Variants in CSMD1 observed in about 807,000 individuals in gnomAD.
CSMD1 encodes CUB and sushi domain-containing protein 1.
Under a neutral mutation model 417.5 loss-of-function variants are expected in CSMD1, and 213 were observed. The observed-to-expected ratio is 0.51, with a 90% confidence interval of 0.46 to 0.57. CSMD1 has a LOEUF of 0.57. Among genes scored for constraint, CSMD1 ranks in the 20% least tolerant of loss-of-function variants. The probability of loss-of-function intolerance (pLI) is 0.00; values close to 1 mark genes in which losing one functional copy is unlikely to be tolerated. For missense variants in CSMD1, 6,923 were observed against 4,529.7 expected, an observed-to-expected ratio of 1.53 and a Z score of -15.17; for synonymous variants, 2,862 against 1,736.8, an observed-to-expected ratio of 1.65 and a Z score of -16.11.
chr8:4,844,982 T>C (rs1046188619), intron 1 of CSMD1, among the ~76,000 whole-genome samples: 25 of 152,310 alleles, frequency 1.6e-4, no homozygotes, highest in Non-Finnish European at 2.8e-4. Context: ...ATCAGACCTA[T>C]AGCATTTTAA....
intron 39 of CSMD1, among the ~76,000 whole-genome samples, chr8:3,156,265 A>G (rs1394998588): frequency 2.0e-5 from 3 of 152,204 alleles, no homozygotes; most frequent in African/African-American, 7.2e-5. Flanking sequence ...CACCCCCAGC[A>G]ATACTTGAGT....
chr8:4,885,095 C>G (rs1003058541), intron 1 of CSMD1, among the ~76,000 whole-genome samples: 1 of 151,998 alleles, frequency 6.6e-6, no homozygotes, highest in East Asian at 1.9e-4. Flanking sequence ...TTAGAAGCTA[C>G]TGTAAATGGA....
intron 3 of CSMD1, among the ~76,000 whole-genome samples, chr8:4,140,943 CA>C (rs1183213291): frequency 1.3e-5 from 2 of 151,146 alleles, no homozygotes; most frequent in South Asian, 2.1e-4. Context: ...ACACCAACAA[CA>C]AAAAGTCCTC....
chr8:3,720,619 T>TCACACACA (rs1802098724), intron 6 of CSMD1, among the ~76,000 whole-genome samples: 1 of 27,052 alleles, frequency 3.7e-5, no homozygotes, highest in Admixed American at 3.9e-4. Context: ...GTCTTTATTC[T>TCACACACA]TACACACACA....
chr8:4,572,055 C>G (rs1172940758), intron 2 of CSMD1, among the ~76,000 whole-genome samples: 2 of 152,198 alleles, frequency 1.3e-5, no homozygotes, highest in African/African-American at 4.8e-5. Flanking sequence ...ACCGATGGGT[C>G]TTGACTCTTT....
At chr8:3,820,622 T>C (rs1801679239) in intron 5 of CSMD1, among the ~76,000 whole-genome samples, 2 of 152,176 alleles carry the variant, frequency 1.3e-5, no homozygotes. Context: ...CTTGTCCAAG[T>C]TGGAGCGTAG....
chr8:4,908,190 C>T (rs192079122), intron 1 of CSMD1, among the ~76,000 whole-genome samples: 5 of 152,232 alleles, frequency 3.3e-5, no homozygotes, highest in African/African-American at 1.2e-4. Context: ...GCTCCATTCT[C>T]TTCTTGTTTG....
chr8:4,287,770 T>G (rs926256982), intron 3 of CSMD1, among the ~76,000 whole-genome samples: 1 of 151,874 alleles, frequency 6.6e-6, no homozygotes, highest in Non-Finnish European at 1.5e-5. Context: ...ACCCGGTCGG[T>G]TGAGCGAGTT....
chr8:4,741,199 G>A lies in CSMD1; in HGVS notation c.86-103641C>T, dbSNP rs564388970. 2.8e-3 allele frequency among the ~76,000 whole-genome samples: 421 copies of A among 152,238 alleles called. 2 individuals carry two copies. The highest frequency in any genetic ancestry group is 0.01 in the Middle Eastern group (3 of 294). On this transcript the variant is annotated intron_variant, in intron 1 of 69. Coordinates refer to ENST00000635120, the MANE Select transcript of CSMD1 (RefSeq NM_033225.6). ...TGTAAGTGTCAGAGGCATTTCAACAGAAGACCCTAGTGCCACACGTGCAGT... is the reference window on the plus strand; with the variant it reads ...TGTAAGTGTCAGAGGCATTTCAACAAAAGACCCTAGTGCCACACGTGCAGT...
At chr8:4,970,090 A>C (rs1810144449) in intron 1 of CSMD1, among the ~76,000 whole-genome samples, 1 of 152,152 alleles carries the variant, frequency 6.6e-6, no homozygotes, top group Admixed American at 6.6e-5. Context: ...GTTTCACATA[A>C]AAATAATATA....
chr8:3,798,525 A>C (rs1344691076), intron 5 of CSMD1, among the ~76,000 whole-genome samples: 2 of 152,244 alleles, frequency 1.3e-5, no homozygotes, highest in South Asian at 4.1e-4. Context: ...GAGGAAAGAC[A>C]GCAAAGATCA....
chr8:3,125,582 G>C (rs896488620), intron 41 of CSMD1, among the ~76,000 whole-genome samples: 2 of 152,218 alleles, frequency 1.3e-5, no homozygotes, highest in African/African-American at 4.8e-5. Flanking sequence ...TTCAGCTGAA[G>C]GTCACAACTT....
intron 51 of CSMD1, among the ~76,000 whole-genome samples, chr8:3,019,340 C>G (rs1809152170): frequency 6.6e-6 from 1 of 152,160 alleles, no homozygotes; most frequent in Admixed American, 6.5e-5. Context: ...ATCTCTCTAC[C>G]TTTCTTTCCA....
intron 23 of CSMD1, among the ~76,000 whole-genome samples, chr8:3,336,630 C>A (rs373081679): frequency 6.6e-6 from 1 of 152,198 alleles, no homozygotes; most frequent in Non-Finnish European, 1.5e-5. Context: ...AAGGGGCACA[C>A]TGAGAGCATG....
intron 1 of CSMD1, among the ~76,000 whole-genome samples, chr8:4,867,972 C>CGT (rs1802515675): frequency 6.6e-6 from 1 of 151,744 alleles, no homozygotes; most frequent in African/African-American, 2.4e-5. Context: ...GATATTTACA[C>CGT]GTTTGTACAT....
chr8:3,709,680 G>GGTTTTTTTTTTTT (rs1554518393), intron 6 of CSMD1, among the ~76,000 whole-genome samples: 1 of 33,692 alleles, frequency 3.0e-5, no homozygotes, highest in Non-Finnish European at 5.7e-5. Context: ...GCAGCAGCAT[G>GGTTTTTTTTTTTT]TTTTTTTTTT....
At chr8:4,478,935 T>G (rs1800943410) in intron 2 of CSMD1, among the ~76,000 whole-genome samples, 1 of 152,186 alleles carries the variant, frequency 6.6e-6, no homozygotes, top group South Asian at 2.1e-4. Context: ...TGACTGACCT[T>G]AATTCACGGA....
chr8:4,277,694 G>A (rs907063178), intron 3 of CSMD1, among the ~76,000 whole-genome samples: 3 of 152,110 alleles, frequency 2.0e-5, no homozygotes, highest in African/African-American at 4.8e-5. Flanking sequence ...CAGAATTTAA[G>A]AAACTCCTTA....
intron 1 of CSMD1, among the ~76,000 whole-genome samples, chr8:4,799,378 A>T (rs1333922307): frequency 2.0e-5 from 3 of 151,954 alleles, no homozygotes; most frequent in Admixed American, 1.3e-4. Flanking sequence ...AGATCATATA[A>T]GTGTTTTAAA....
Sources: allele counts gnomAD v4.1 joint callset (sites outside exome capture counted in the v4.1 genomes callset), GRCh38; gene constraint gnomAD v4.1.1; transcripts MANE v1.5; gene names NCBI Gene and HGNC (gene_info 2026-07-23, HGNC 2026-07-21).